Variants in GALNTL6 observed in about 807,000 individuals in gnomAD.
The protein encoded by GALNTL6 is polypeptide N-acetylgalactosaminyltransferase like 6, also known as polypeptide N-acetylgalactosaminyltransferase-like 6.
Under a neutral mutation model 73.7 loss-of-function variants are expected in GALNTL6, and 46 were observed. That is an observed-to-expected ratio of 0.62 (90% CI 0.49 to 0.80). The LOEUF is 0.80. Ranked by LOEUF, GALNTL6 falls within the 30% of genes least tolerant of loss-of-function variation. The pLI is 0.00. For missense variants in GALNTL6, 604 were observed against 755.0 expected, an observed-to-expected ratio of 0.80 and a Z score of 2.34; for synonymous variants, 259 against 263.7, an observed-to-expected ratio of 0.98 and a Z score of 0.17.
chr4:172,676,586 C>T (rs902937854), intron 5 of GALNTL6, among the ~76,000 whole-genome samples: 10 of 152,170 alleles, frequency 6.6e-5, no homozygotes, highest in African/African-American at 2.4e-4. Context: ...CTTTCTTATA[C>T]AAAACACAAA....
In GALNTL6 at chr4:172,236,561, AT is replaced by A. The variant is rs200684161; in HGVS notation, c.247+6798del. Among the ~76,000 whole-genome samples the A allele has an allele frequency of 1.6e-4, 24 of 150,952 alleles. 2 individuals carry two copies. The highest frequency in any genetic ancestry group is 3.6e-4 in the African/African-American group (15 of 41,104). The stretch of plus-strand genomic sequence containing the variant: ...GCGACAGAGTAAGACTCCGTCTCAA[AT>A]AAAAAAAAAAAGTATATTAGCATGA... On this transcript the variant is annotated intron_variant, in intron 3 of 12. Transcript: ENST00000506823.
chr4:172,484,761 C>T (rs1733611793), intron 5 of GALNTL6, among the ~76,000 whole-genome samples: 1 of 152,102 alleles, frequency 6.6e-6, no homozygotes, highest in Admixed American at 6.6e-5. Flanking sequence ...AATTACTATT[C>T]TCCATTTACA....
intron 3 of GALNTL6, among the ~76,000 whole-genome samples, chr4:172,264,555 A>AATAT (rs201920170): frequency 0.042 from 4,316 of 103,006 alleles, 133 homozygotes; most frequent in East Asian, 0.073. Flanking sequence ...ATATATGCCA[A>AATAT]ATATATATAT....
At chr4:171,934,686 G>A (rs1242314576) in intron 2 of GALNTL6, among the ~76,000 whole-genome samples, 3 of 152,096 alleles carry the variant, frequency 2.0e-5, no homozygotes, top group Non-Finnish European at 4.4e-5. Flanking sequence ...TAACTGTTGG[G>A]ATTATGGGCA....
intron 5 of GALNTL6, among the ~76,000 whole-genome samples, chr4:172,642,652 G>T (rs1162699081): frequency 6.6e-6 from 1 of 151,794 alleles, no homozygotes; most frequent in Non-Finnish European, 1.5e-5. Context: ...TTAAAACATG[G>T]TCACTAAAGT....
chr4:173,031,702 A>G (rs566540859), intron 12 of GALNTL6, among the ~76,000 whole-genome samples: 3 of 152,302 alleles, frequency 2.0e-5, no homozygotes, highest in Admixed American at 6.5e-5. Flanking sequence ...GACAAATAGT[A>G]GCTATTATGT....
At chr4:172,478,335 G>C (rs1733315861) in intron 5 of GALNTL6, among the ~76,000 whole-genome samples, 1 of 152,126 alleles carries the variant, frequency 6.6e-6, no homozygotes, top group African/African-American at 2.4e-5. Context: ...GTGGAACAGA[G>C]TAGAGAACAC....
chr4:172,184,785 T>C (rs1371197496), intron 2 of GALNTL6, among the ~76,000 whole-genome samples: 5 of 152,154 alleles, frequency 3.3e-5, no homozygotes, highest in Non-Finnish European at 7.3e-5. Context: ...GATCGAGGGA[T>C]TGGCATTGTT....
At chr4:172,235,580 AT>A (rs1560983200) in intron 3 of GALNTL6, among the ~76,000 whole-genome samples, 2 of 151,468 alleles carry the variant, frequency 1.3e-5, no homozygotes, top group Non-Finnish European at 2.9e-5. Flanking sequence ...TTTTTCTCTA[AT>A]TTTTTTCTAA....
intron 2 of GALNTL6, among the ~76,000 whole-genome samples, chr4:171,901,736 A>T (rs1184794830): frequency 1.3e-5 from 2 of 152,234 alleles, no homozygotes; most frequent in Admixed American, 6.5e-5. Context: ...GATTTTTAAA[A>T]GTGTTTAGGA....
intron 2 of GALNTL6, among the ~76,000 whole-genome samples, chr4:172,036,070 A>G (rs1269538457): frequency 6.6e-6 from 1 of 152,122 alleles, no homozygotes; most frequent in Non-Finnish European, 1.5e-5. Context: ...ATTTTTACAA[A>G]TGTCTTTTGA....
At chr4:173,028,258 C>A (rs956166852) in intron 12 of GALNTL6, among the ~76,000 whole-genome samples, 2 of 152,104 alleles carry the variant, frequency 1.3e-5, no homozygotes, top group Non-Finnish European at 2.9e-5. Context: ...CACCAGGTAT[C>A]AAAACATTAC....
At chr4:172,007,862 C>G (rs1740884649) in intron 2 of GALNTL6, among the ~76,000 whole-genome samples, 1 of 152,012 alleles carries the variant, frequency 6.6e-6, no homozygotes, top group Non-Finnish European at 1.5e-5. Context: ...GAGATAGCAG[C>G]TTTTTAATAA....
At chr4:172,443,121 CATATATATATATATATATATATATAT>C (rs4048464) in intron 5 of GALNTL6, among the ~76,000 whole-genome samples, 556 of 52,030 alleles carry the variant, frequency 0.011, 10 homozygotes, top group Middle Eastern at 0.036. Flanking sequence ...GATCCATATA[CATATATATATATATATATATATATAT>C]ATATATATAT....
intron 3 of GALNTL6, among the ~76,000 whole-genome samples, chr4:172,292,176 T>C (rs1469103136): frequency 6.6e-6 from 1 of 152,072 alleles, no homozygotes; most frequent in African/African-American, 2.4e-5. Context: ...TCTCAGGTAC[T>C]TTCATGTAAA....
intron 5 of GALNTL6, among the ~76,000 whole-genome samples, chr4:172,534,401 C>T (rs543891802): frequency 6.6e-6 from 1 of 152,280 alleles, no homozygotes; most frequent in Non-Finnish European, 1.5e-5. Context: ...GAATCTGCCT[C>T]ATCTTGAAAT....
In GALNTL6 at chr4:172,250,117, CAAGGCTGTGGGAGCTGCTA is replaced by C. The variant is rs549197704; in HGVS notation, c.247+20368_247+20386del. ...CCCTGCAAAGCCGTAGGGTACAGCC[CAAGGCTGTGGGAGCTGCTA>C]AAGGCTGTGGGAGCCCACTCCTGCA... On this transcript the variant is annotated intron_variant, in intron 3 of 12. Coordinates refer to ENST00000506823, the MANE Select transcript of GALNTL6 (RefSeq NM_001034845.3). 3.9e-5 allele frequency among the ~76,000 whole-genome samples: 6 copies of C among 152,128 alleles called. No individual in the cohort carries two copies. In the South Asian group the frequency reaches 1.2e-3, roughly 32 times the overall value.
intron 6 of GALNTL6, among the ~76,000 whole-genome samples, chr4:172,812,168 C>T (rs964283285): frequency 3.9e-5 from 6 of 152,038 alleles, no homozygotes; most frequent in Admixed American, 6.6e-5. Context: ...TCAGTGTCAT[C>T]GAAATAAAGC....
chr4:172,057,612 C>G (rs1234795762), intron 2 of GALNTL6, among the ~76,000 whole-genome samples: 1 of 147,830 alleles, frequency 6.8e-6, no homozygotes, highest in African/African-American at 2.5e-5. Context: ...GAGGTTGAGG[C>G]GGGAAGATCG....
Sources: allele counts gnomAD v4.1 joint callset (sites outside exome capture counted in the v4.1 genomes callset), GRCh38; gene constraint gnomAD v4.1.1; transcripts MANE v1.5; gene names NCBI Gene and HGNC (gene_info 2026-07-23, HGNC 2026-07-21).